Variants in SLC39A14 observed in about 807,000 individuals in gnomAD.
SLC39A14 encodes the protein solute carrier family 39 member 14.
Under a neutral mutation model 45.5 loss-of-function variants are expected in SLC39A14, and 19 were observed. That is an observed-to-expected ratio of 0.42 (90% CI 0.29 to 0.61). SLC39A14 has a LOEUF of 0.61. Ranked by LOEUF, SLC39A14 falls within the 20% of genes least tolerant of loss-of-function variation. SLC39A14 has a pLI of 0.22. For missense variants in SLC39A14, 447 were observed against 616.5 expected, an observed-to-expected ratio of 0.73 and a Z score of 2.91; for synonymous variants, 264 against 251.3, an observed-to-expected ratio of 1.05 and a Z score of -0.48.
chr8:22,430,685 G>A (rs13274867), intron 8 of SLC39A14, among the ~76,000 whole-genome samples: 1 of 151,206 alleles, frequency 6.6e-6, no homozygotes, highest in East Asian at 2.0e-4. Flanking sequence ...TTTTTTTTTC[G>A]TTTTGGAGAC....
chr8:22,413,978 C>T (rs1365317039), intron 4 of SLC39A14, among the ~76,000 whole-genome samples: 1 of 151,852 alleles, frequency 6.6e-6, no homozygotes, highest in East Asian at 1.9e-4. Context: ...GGGGTTTCGC[C>T]ATGTTGGCCA....
At chr8:22,412,805 G>T (rs28667840) in intron 4 of SLC39A14, among the ~76,000 whole-genome samples, 3 of 152,110 alleles carry the variant, frequency 2.0e-5, no homozygotes, top group Non-Finnish European at 2.9e-5. Flanking sequence ...TTAGCCAGAC[G>T]TGGTAGCGCA....
intron 1 of SLC39A14, among the ~76,000 whole-genome samples, chr8:22,391,390 G>A (rs1001701791): frequency 3.3e-5 from 5 of 152,274 alleles, no homozygotes; most frequent in Middle Eastern, 3.4e-3. Flanking sequence ...AAGCCAGCAG[G>A]TAATATGCTA....
chr8:22,426,515 C>A (rs536420569), downstream of SLC39A14, among the ~76,000 whole-genome samples: 2 of 152,130 alleles, frequency 1.3e-5, no homozygotes, highest in African/African-American at 4.8e-5. Flanking sequence ...TTTCTACAAC[C>A]GGTTTACTTA....
intron 5 of SLC39A14, 177 bp from the exon 6 acceptor site, chr8:22,415,592 G>A (rs1427788011): frequency 1.0e-5 from 6 of 593,508 alleles, no homozygotes; most frequent in African/African-American, 5.7e-5. Flanking sequence ...CACCGTGCCC[G>A]ACCATGGCTT....
chr8:22,430,498 G>A (rs28617365), intron 8 of SLC39A14, among the ~76,000 whole-genome samples: 2,570 of 152,270 alleles, frequency 0.017, 62 homozygotes, highest in African/African-American at 0.058. Context: ...AGGCGTCCCT[G>A]ATTCTAAATT....
rs903078245 is a variant in SLC39A14 at position 22,373,194 on chromosome 8, C to T, written c.-16+5786C>T. 4.0e-5 allele frequency among the ~76,000 whole-genome samples: 6 copies of T among 150,168 alleles called. No homozygotes were observed. The East Asian group carries it at 9.7e-4, about 24-fold the overall frequency. ...AGGAGAATCGCTTGAACCTGGGAAG[C>T]AGAGGTTGCAGTGAGCCAAGATTAC... On this transcript the variant is annotated intron_variant, in intron 1 of 8. Coordinates refer to ENST00000381237, the MANE Select transcript of SLC39A14 (RefSeq NM_001128431.4).
downstream of SLC39A14, among the ~76,000 whole-genome samples, chr8:22,427,166 C>T (rs924785955): frequency 4.6e-5 from 7 of 151,974 alleles, no homozygotes; most frequent in Non-Finnish European, 7.4e-5. Context: ...GTGGCACACC[C>T]TGTAATCCCA....
chr8:22,378,363 C>T (rs1348593691), intron 1 of SLC39A14, among the ~76,000 whole-genome samples: 1 of 152,152 alleles, frequency 6.6e-6, no homozygotes, highest in African/African-American at 2.4e-5. Flanking sequence ...GCTGGGGGTC[C>T]TAGAAGACTA....
chr8:22,409,174 C>A (rs544212726), intron 3 of SLC39A14, among the ~76,000 whole-genome samples: 1 of 152,090 alleles, frequency 6.6e-6, no homozygotes, highest in South Asian at 2.1e-4. Context: ...GCACTTGGCC[C>A]CTGAATCCTT....
At chr8:22,423,481 G>A (rs912353481), downstream of SLC39A14, among the ~76,000 whole-genome samples, 4 of 151,960 alleles carry the variant, frequency 2.6e-5, no homozygotes, top group Non-Finnish European at 4.4e-5. Flanking sequence ...GACTACAGGT[G>A]CCCGCCACCA....
chr8:22,415,937 G>A lies in SLC39A14; in HGVS notation c.919G>A (p.Val307Met), dbSNP rs369738072. Reference sequence around the variant, plus strand: ...GCCCATGGTGGACGAGAAGGTCATTGTGGGCTCGCTCTCTGTGCAGGTCAG... The same window carrying A: ...GCCCATGGTGGACGAGAAGGTCATTATGGGCTCGCTCTCTGTGCAGGTCAG... ...KAPMVDEKVIVGSLSVQDLQA... is the reference protein window; with the variant it reads ...KAPMVDEKVIMGSLSVQDLQA... Residue 307 changes from valine to methionine, a missense_variant, in exon 6 of 9, where the codon GTG becomes ATG. This residue lies in a region of SLC39A14 where 342 missense variants were observed against 428.1 expected (regional missense o/e 0.80). Coordinates refer to ENST00000381237, the MANE Select transcript of SLC39A14 (RefSeq NM_001128431.4). 5.0e-6 allele frequency: 8 copies of A among 1,606,612 alleles called. No homozygotes were observed. The highest frequency in any genetic ancestry group is 6.8e-6 in the Non-Finnish European group (8 of 1,175,676).
chr8:22,414,693 G>C, intron 4 of SLC39A14, 87 bp from the exon 5 acceptor site: 2 of 1,391,998 alleles, frequency 1.4e-6, no homozygotes, highest in Non-Finnish European at 2.0e-6. Flanking sequence ...CTTTCCTAGA[G>C]TCAAGGAAGT....
At chr8:22,410,158 G>T in intron 3 of SLC39A14, 1 of 1,608,136 alleles carries the variant, frequency 6.2e-7, no homozygotes, top group South Asian at 1.1e-5. Context: ...TCCCTGGGGC[G>T]GCACAGCTGA....
intron 1 of SLC39A14, among the ~76,000 whole-genome samples, chr8:22,387,775 T>C (rs1444104453): frequency 1.3e-5 from 2 of 152,176 alleles, no homozygotes; most frequent in African/African-American, 4.8e-5. Context: ...TCCTCCTGCT[T>C]CCTTTGTGTC....
intron 1 of SLC39A14, among the ~76,000 whole-genome samples, chr8:22,374,572 G>T (rs1022518522): frequency 2.4e-4 from 22 of 92,696 alleles, no homozygotes; most frequent in African/African-American, 1.4e-3. Context: ...GGCCCAGAGT[G>T]GCTGAGAGGG....
rs569779928 is a variant in SLC39A14, at chr8:22,373,768, T to G, written c.-16+6360T>G. Among the ~76,000 whole-genome samples the G allele has an allele frequency of 7.3e-5, 11 of 151,352 alleles. No individual in the cohort carries two copies. In the South Asian group the frequency reaches 1.3e-3, roughly 17 times the overall value. ...GGTTTTTTGTTTTTGTTTTCTCGTT[T>G]TTTTTTTTTTTTCCAAGGCAGAGTG... On this transcript the variant is annotated intron_variant, in intron 1 of 8. Transcript: ENST00000381237.
At chr8:22,414,654 C>A in intron 4 of SLC39A14, 126 bp from the exon 5 acceptor site, 1 of 986,822 alleles carries the variant, frequency 1.0e-6, no homozygotes, top group Non-Finnish European at 1.5e-6. Context: ...GATGGGTAGA[C>A]GGCAGAGTTA....
Position 22,408,354 on chromosome 8 carries a change from G to C in SLC39A14, c.315G>C (p.Glu105Asp), listed in dbSNP as rs900263790. 2 of 1,614,212 alleles carry C rather than the reference G, an allele frequency of 1.2e-6. No homozygotes were observed. Among genetic ancestry groups the C allele is most frequent in the Non-Finnish European group, 1.7e-6 (2 of 1,180,034 alleles). The change falls in exon 3 of 9, where the codon GAG becomes GAC. Residue 105 changes from glutamate to aspartate, a missense_variant. Physicochemically the swap from Glu to Asp is conservative, Grantham distance 45 (BLOSUM62 2). Transcript: ENST00000381237. ...TCTTCACTGCCCACAATTTCAGCGA[G>C]CAGTCGCGGATTGGGAGCAGCGAGC... ...GDLFTAHNFS[E>D]QSRIGSSELQ...
Sources: gnomAD v4.1 joint callset for allele counts (sites outside exome capture counted in the v4.1 genomes callset) on GRCh38, gnomAD v4.1.1 for gene constraint, gnomAD v4.1.1 regional missense constraint, MANE v1.5 for transcripts, NCBI Gene and HGNC (gene_info 2026-07-23, HGNC 2026-07-21) for gene names.